PXYLP1: variants seen among roughly 807,000 people sequenced by gnomAD.
PXYLP1 encodes the protein 2-phosphoxylose phosphatase 1.
A neutral mutation model predicts 37.9 loss-of-function variants in PXYLP1; 17 were observed. The observed-to-expected ratio is 0.45, with a 90% CI of 0.31 to 0.67. PXYLP1 has a LOEUF of 0.67. PXYLP1 is among the 30% of genes least tolerant of loss of function. The probability of loss-of-function intolerance (pLI) is 0.07; values close to 1 mark genes in which losing one functional copy is unlikely to be tolerated. For synonymous variants in PXYLP1, 221 were observed against 232.2 expected (o/e 0.95, Z 0.44); for missense variants, 511 against 612.0 (o/e 0.84, Z 1.74).
At chr3:141,252,280 C>T (rs1941156131) in intron 1 of PXYLP1, among the ~76,000 whole-genome samples, 1 of 152,168 alleles carries the variant, frequency 6.6e-6, no homozygotes, top group Non-Finnish European at 1.5e-5. Flanking sequence ...GATCAGCACA[C>T]CCCCTGTGTT....
In PXYLP1 at chr3:141,292,374, C is replaced by A. The variant is rs372023655; in HGVS notation, c.612C>A (p.Thr204=). ...CTGCAGACCAGCTCTATTTAGAGACCACTGGGAAAAGCCGGACCCTACAAA... is the reference window on the plus strand; with the variant it reads ...CTGCAGACCAGCTCTATTTAGAGACAACTGGGAAAAGCCGGACCCTACAAA... The part of the protein sequence containing the change: ...DWSADQLYLE[T]TGKSRTLQSG... The change falls in exon 6 of 6, where the codon ACC becomes ACA. Residue 204 remains threonine (T), a synonymous_variant. Transcript: ENST00000286353. This position sits in a 1 kb window ranked among gnomAD's most constrained non-coding sequence, Gnocchi z 4.3. 1.2e-6 allele frequency: 2 copies of A among 1,614,144 alleles called. No homozygotes were observed. Among genetic ancestry groups the A allele is most frequent in the African/African-American group, 2.7e-5 (2 of 75,026 alleles).
rs763167344 is a variant in PXYLP1, at chr3:141,279,383, G to A, written c.244G>A (p.Ala82Thr). 1.2e-5 allele frequency: 19 copies of A among 1,614,176 alleles called. No individual in the cohort carries two copies. Among genetic ancestry groups the A allele is most frequent in the Non-Finnish European group, 1.4e-5 (17 of 1,180,002 alleles). Residue 82 changes from alanine to threonine, a missense_variant, in exon 4 of 6, where the codon GCC (alanine) becomes ACC (threonine). Coordinates refer to ENST00000286353, the MANE Select transcript of PXYLP1 (RefSeq NM_001037172.3). ...AATGTGCTTCTCTCGCGCAGGTCAT[G>A]CCCCGCATCATTTTAAGCTGGTCTC... ...SVAERSMEGH[A>T]PHHFKLVSVH...
chr3:141,235,482 G>A (rs1940637392), intron 1 of PXYLP1: 1 of 152,406 alleles, frequency 6.6e-6, no homozygotes, highest in African/African-American at 2.4e-5. Context: ...ACCACTTGGA[G>A]AGCCCCCATG....
At chr3:141,286,113 A>G (rs1942069349) in intron 4 of PXYLP1, among the ~76,000 whole-genome samples, 1 of 152,190 alleles carries the variant, frequency 6.6e-6, no homozygotes, top group African/African-American at 2.4e-5. Context: ...TATAGAGTTT[A>G]GGCATGAACT....
intron 2 of PXYLP1, among the ~76,000 whole-genome samples, chr3:141,261,424 A>C (rs958041026): frequency 6.6e-6 from 1 of 152,174 alleles, no homozygotes; most frequent in Non-Finnish European, 1.5e-5. Flanking sequence ...ATAAGCATAA[A>C]CCTGTGCATT....
At chr3:141,282,896 A>G (rs1350331483) in intron 4 of PXYLP1, among the ~76,000 whole-genome samples, 1 of 152,176 alleles carries the variant, frequency 6.6e-6, no homozygotes, top group Non-Finnish European at 1.5e-5. Flanking sequence ...GGGGGAAGTT[A>G]GTACAGGCAT....
At chr3:141,274,340 C>A in intron 2 of PXYLP1, 1 of 1,406,694 alleles carries the variant, frequency 7.1e-7, no homozygotes, top group South Asian at 1.6e-5. Context: ...GTGAGGCCAA[C>A]CTGACCAGGC....
chr3:141,236,225 T>G (rs1201487159), intron 1 of PXYLP1: 1 of 152,214 alleles, frequency 6.6e-6, no homozygotes, highest in Non-Finnish European at 1.5e-5. Context: ...TAAAATTCTC[T>G]TTGTATTTGC....
chr3:141,256,010 G>A (rs769721724), intron 1 of PXYLP1, among the ~76,000 whole-genome samples: 6 of 152,224 alleles, frequency 3.9e-5, no homozygotes, highest in African/African-American at 7.2e-5. Flanking sequence ...GGTTGCAGAC[G>A]TGGCTGCCTA....
rs1178767174 is a variant in PXYLP1, at chr3:141,279,455, A to T, written c.316A>T (p.Ile106Phe). Residue 106 changes from isoleucine (I) to phenylalanine (F), a missense_variant, in exon 4 of 6, where the codon ATT becomes TTT. Coordinates refer to ENST00000286353, the MANE Select transcript of PXYLP1 (RefSeq NM_001037172.3). ...RHGDRYPLYV[I>F]PKTKRPEIDC... ...CGGAGACAGGTACCCACTGTATGTC[A>T]TTCCCAAAACAAAGCGACCAGAAAT... 2.5e-6 allele frequency: 4 copies of T among 1,614,100 alleles called. No individual in the cohort carries two copies. In the South Asian group the frequency reaches 4.4e-5, roughly 18 times the overall value.
chr3:141,267,214 G>A (rs1941538781), intron 2 of PXYLP1: 1 of 152,224 alleles, frequency 6.6e-6, no homozygotes, highest in Non-Finnish European at 1.5e-5. Flanking sequence ...TACGTTCAGT[G>A]GAGAAAAGTA....
intron 1 of PXYLP1, among the ~76,000 whole-genome samples, chr3:141,255,092 A>G (rs1941236043): frequency 6.6e-6 from 1 of 152,230 alleles, no homozygotes; most frequent in South Asian, 2.1e-4. Context: ...GGTATTCTTC[A>G]TAATGTAATG....
At chr3:141,273,396 A>G in intron 2 of PXYLP1, 1 of 985,472 alleles carries the variant, frequency 1.0e-6, no homozygotes, top group Non-Finnish European at 1.2e-6. Context: ...TTGAGATCCA[A>G]AGCTGGGAAA....
At chr3:141,277,924 A>T (rs1576600170) in intron 2 of PXYLP1, among the ~76,000 whole-genome samples, 1 of 152,206 alleles carries the variant, frequency 6.6e-6, no homozygotes, top group East Asian at 1.9e-4. Context: ...ATGATGATAA[A>T]TGGGATATGT....
chr3:141,247,844 C>G (rs1940996692), intron 1 of PXYLP1, among the ~76,000 whole-genome samples: 1 of 152,086 alleles, frequency 6.6e-6, no homozygotes, highest in African/African-American at 2.4e-5. Flanking sequence ...TTTGTGGAAA[C>G]TGGTGTGTAA....
At chr3:141,281,003 G>T (rs557476350) in intron 4 of PXYLP1, among the ~76,000 whole-genome samples, 1 of 152,152 alleles carries the variant, frequency 6.6e-6, no homozygotes, top group Non-Finnish European at 1.5e-5. Context: ...TAAGGAAGGT[G>T]CTATTTTAAC....
At position 141,248,664 on chromosome 3, in the gene PXYLP1, T is replaced by C. The variant is rs113284710; in HGVS notation, c.-53-11459T>C. 1.2e-3 allele frequency among the ~76,000 whole-genome samples: 65 copies of C among 55,618 alleles called. 4 individuals are homozygous for C. The highest frequency in any genetic ancestry group is 4.2e-3 in the East Asian group (5 of 1,190). 36.5% of individuals were successfully genotyped at this position (55,618 alleles called of 152,430 possible). A position where few individuals can be genotyped will look rare whatever the true frequency, so the allele number is the denominator to read the frequency against. ...ACGTGTATATATACACACGTATATA[T>C]ACACACACGTGTATATATACACACG... is the stretch of plus-strand genomic sequence containing the variant. On this transcript the variant is annotated intron_variant, in intron 1 of 5. Coordinates refer to ENST00000286353, the MANE Select transcript of PXYLP1 (RefSeq NM_001037172.3).
chr3:141,245,570 G>C (rs1940916643), intron 1 of PXYLP1, among the ~76,000 whole-genome samples: 1 of 152,206 alleles, frequency 6.6e-6, no homozygotes, highest in Admixed American at 6.5e-5. Context: ...AGCTATTGCA[G>C]ATCACCTGGA....
chr3:141,248,776 TACACACGTATATATATAC>T lies in PXYLP1; in HGVS notation c.-53-11338_-53-11321del, dbSNP rs1941065947. Among the ~76,000 whole-genome samples, 2 of 52,182 alleles carry T rather than the reference TACACACGTATATATATAC, an allele frequency of 3.8e-5. 1 individual carries two copies. 34.2% of individuals were successfully genotyped at this position (52,182 alleles called of 152,430 possible). A position where few individuals can be genotyped will look rare whatever the true frequency, so the allele number is the denominator to read the frequency against. On this transcript the variant is annotated intron_variant, in intron 1 of 5. Transcript: ENST00000286353. ...ATATATATACACACACGTGTATATA[TACACACGTATATATATAC>T]ACACACGTGTATATATACACACGTA...
Sources: allele counts gnomAD v4.1 joint callset (sites outside exome capture counted in the v4.1 genomes callset), GRCh38; gene constraint gnomAD v4.1.1; non-coding constraint Gnocchi (gnomAD v3.1); transcripts MANE v1.5; gene names NCBI Gene and HGNC (gene_info 2026-07-23, HGNC 2026-07-21).